The following C1orf87 variants were observed in gnomAD, a reference collection of about 807,000 sequenced individuals.
C1orf87 encodes the protein uncharacterized protein C1orf87.
C1orf87 carries 58 observed loss-of-function variants against 60.5 expected under a neutral mutation model. The ratio of observed to expected loss-of-function variants is 0.96; its 90% CI spans 0.78 to 1.19. The LOEUF (loss-of-function observed/expected upper bound fraction) is 1.19, where lower values mean the gene tolerates loss of function less well. Among genes scored for constraint, C1orf87 ranks in the 50% most tolerant of loss-of-function variants. The pLI, the probability that C1orf87 is intolerant of heterozygous loss-of-function variation, is 0.00. For synonymous variants in C1orf87, 236 were observed against 227.4 expected (o/e 1.04, Z -0.34); for missense variants, 673 against 638.6 (o/e 1.05, Z -0.58).
At chr1:60,022,336 G>A (rs654145) in intron 8 of C1orf87, among the ~76,000 whole-genome samples, 54,909 of 151,670 alleles carry the variant, frequency 0.36, 10,518 homozygotes, top group South Asian at 0.53. Context: ...TAACAATAGA[G>A]GGGGTGACAG....
intron 9 of C1orf87, among the ~76,000 whole-genome samples, chr1:60,003,210 C>T (rs939663548): frequency 1.4e-5 from 2 of 147,212 alleles, no homozygotes; most frequent in African/African-American, 2.5e-5. Context: ...TCTCAGTAAA[C>T]TATCACAAGA....
intron 2 of C1orf87, among the ~76,000 whole-genome samples, chr1:60,062,967 T>C (rs1645507215): frequency 6.6e-6 from 1 of 152,110 alleles, no homozygotes; most frequent in African/African-American, 2.4e-5. Flanking sequence ...TTCTTTATAC[T>C]TCTCACAGTG....
chr1:60,000,969 T>G, intron 10 of C1orf87, 108 bp downstream of exon 10: 1 of 889,086 alleles, frequency 1.1e-6, no homozygotes, highest in Non-Finnish European at 1.8e-6. Context: ...ACATCAAGGG[T>G]TTGGGAGAAA....
intron 2 of C1orf87, among the ~76,000 whole-genome samples, chr1:60,061,581 G>A (rs940978181): frequency 2.6e-5 from 4 of 151,400 alleles, no homozygotes; most frequent in Admixed American, 1.3e-4. Flanking sequence ...TGTTTCTTTT[G>A]CACCTATATC....
At chr1:60,025,235 A>G (rs1316167000) in intron 8 of C1orf87, among the ~76,000 whole-genome samples, 166 bp downstream of exon 8, 1 of 152,204 alleles carries the variant, frequency 6.6e-6, no homozygotes, top group East Asian at 1.9e-4. Context: ...CATTACAAAG[A>G]CAATAATTTC....
intron 2 of C1orf87, among the ~76,000 whole-genome samples, chr1:60,066,477 G>C (rs1434204368): frequency 6.6e-6 from 1 of 152,060 alleles, no homozygotes; most frequent in Non-Finnish European, 1.5e-5. Context: ...ATCTATTTGA[G>C]TTTTATCATG....
At chr1:60,019,141 T>C (rs566824250) in intron 8 of C1orf87, among the ~76,000 whole-genome samples, 1 of 152,296 alleles carries the variant, frequency 6.6e-6, no homozygotes, top group Non-Finnish European at 1.5e-5. Context: ...TCTCCATGTG[T>C]TGAAGGAGGG....
chr1:60,010,335 A>G, intron 9 of C1orf87, 57 bp downstream of exon 9: 1 of 1,464,568 alleles, frequency 6.8e-7, no homozygotes, highest in Non-Finnish European at 9.5e-7. Flanking sequence ...CAGCATAGTC[A>G]ACAATAGCTG....
chr1:60,056,508 T>G (rs1263397330), intron 2 of C1orf87, among the ~76,000 whole-genome samples: 2 of 152,188 alleles, frequency 1.3e-5, no homozygotes, highest in African/African-American at 2.4e-5. Flanking sequence ...TATGAAGTCA[T>G]TAAAATAGTT....
intron 8 of C1orf87, among the ~76,000 whole-genome samples, chr1:60,021,989 T>C (rs565895639): frequency 1.6e-4 from 24 of 152,030 alleles, no homozygotes; most frequent in African/African-American, 5.5e-4. Context: ...GGTGTTAAGG[T>C]GAAGTCTGCA....
At chr1:60,036,221 T>C (rs1645274965) in intron 6 of C1orf87, among the ~76,000 whole-genome samples, 1 of 152,196 alleles carries the variant, frequency 6.6e-6, no homozygotes, top group Non-Finnish European at 1.5e-5. Flanking sequence ...TGGAATTCAC[T>C]GTGCCCAGCA....
At chr1:60,072,948 T>A (rs1477497350) in intron 1 of C1orf87, among the ~76,000 whole-genome samples, 4 of 152,112 alleles carry the variant, frequency 2.6e-5, no homozygotes, top group Non-Finnish European at 5.9e-5. Context: ...ACCTAAGAGG[T>A]CTGTACAGCA....
intron 9 of C1orf87, among the ~76,000 whole-genome samples, chr1:60,004,778 T>C (rs150995243): frequency 1.3e-5 from 2 of 152,058 alleles, no homozygotes; most frequent in African/African-American, 4.8e-5. Flanking sequence ...CCAAGCTGGC[T>C]TCTAGAGATT....
chr1:60,031,981 A>AACAC lies in C1orf87; in HGVS notation c.1029+1491_1029+1494dup, dbSNP rs56139918. The stretch of plus-strand genomic sequence containing the variant: ...AATATGCTTGCATGTATAATATTCA[A>AACAC]ACACACACACACACACACACACATA... On this transcript the variant is annotated intron_variant, in intron 7 of 11. Transcript: ENST00000371201. 2.3e-3 allele frequency among the ~76,000 whole-genome samples: 340 copies of AACAC among 149,374 alleles called. 1 individual carries two copies. The highest frequency in any genetic ancestry group is 3.1e-3 in the Non-Finnish European group (211 of 67,162).
At chr1:60,033,436 C>A (rs772424961) in intron 7 of C1orf87, 40 bp downstream of exon 7, 48 of 1,589,978 alleles carry the variant, frequency 3.0e-5, no homozygotes, top group Non-Finnish European at 3.6e-5. Flanking sequence ...CCTGAAGTGG[C>A]CTTTACAGAG....
intron 5 of C1orf87, 58 bp from the exon 6 acceptor site, chr1:60,038,165 C>T (rs900964849): frequency 4.6e-6 from 5 of 1,081,838 alleles, no homozygotes; most frequent in South Asian, 2.1e-5. Context: ...AGGAAAGAGG[C>T]CTGTTGAGAT....
At chr1:59,994,973 C>T (rs1644953479) in intron 11 of C1orf87, among the ~76,000 whole-genome samples, 1 of 152,126 alleles carries the variant, frequency 6.6e-6, no homozygotes, top group Admixed American at 6.6e-5. Context: ...TGTAGATTTT[C>T]CCAGATCTGG....
intron 4 of C1orf87, among the ~76,000 whole-genome samples, chr1:60,040,600 C>T (rs1034472164): frequency 1.3e-5 from 2 of 152,070 alleles, no homozygotes; most frequent in African/African-American, 4.8e-5. Context: ...CCTTCCTGAG[C>T]TCAGCAATCC....
chr1:60,020,392 G>A (rs573551898), intron 8 of C1orf87, among the ~76,000 whole-genome samples: 6 of 152,286 alleles, frequency 3.9e-5, no homozygotes, highest in Non-Finnish European at 7.3e-5. Flanking sequence ...AAAGCCACAG[G>A]CATTCAATGC....
Sources: gnomAD v4.1 joint callset for allele counts (sites outside exome capture counted in the v4.1 genomes callset) on GRCh38, gnomAD v4.1.1 for gene constraint, MANE v1.5 for transcripts, NCBI Gene and HGNC (gene_info 2026-07-23, HGNC 2026-07-21) for gene names.